The following PRKN variants were observed in gnomAD, a reference collection of about 807,000 sequenced individuals.
PRKN encodes E3 ubiquitin-protein ligase parkin.
In PRKN, 56 loss-of-function variants were observed where a neutral mutation model predicts 59.5. The ratio of observed to expected loss-of-function variants is 0.94; its 90% CI spans 0.76 to 1.18. The LOEUF (loss-of-function observed/expected upper bound fraction) is 1.18. Ranked by LOEUF, PRKN falls within the 50% of genes most tolerant of loss-of-function variation. The probability of loss-of-function intolerance (pLI) is 0.00; values close to 1 mark genes in which losing one functional copy is unlikely to be tolerated. For missense variants in PRKN, 657 were observed against 596.4 expected, an observed-to-expected ratio of 1.10 and a Z score of -1.06; for synonymous variants, 250 against 222.1, an observed-to-expected ratio of 1.13 and a Z score of -1.12.
intron 1 of PRKN, among the ~76,000 whole-genome samples, chr6:162,721,308 C>G (rs1778934490): frequency 6.6e-6 from 1 of 152,238 alleles, no homozygotes; most frequent in Non-Finnish European, 1.5e-5. Context: ...TCTGGACTTG[C>G]TGGCACTAGT....
rs1051353252 is a variant in PRKN at position 161,554,349 on chromosome 6, G to A, written c.934-5346C>T. 1.3e-5 allele frequency among the ~76,000 whole-genome samples: 2 copies of A among 151,036 alleles called. No homozygotes were observed. The highest frequency in any genetic ancestry group is 1.5e-5 in the Non-Finnish European group (1 of 67,862). On this transcript the variant is annotated intron_variant, in intron 8 of 11. Transcript: ENST00000366898. This position sits in a 1 kb window ranked among gnomAD's most constrained non-coding sequence, Gnocchi z 4.5. ...CTGTATCCACACTGTTAACACATGC[G>A]GCCATTTCGAACTATGCTGTCTTTC...
intron 7 of PRKN, among the ~76,000 whole-genome samples, chr6:161,751,797 G>C (rs1433082250): frequency 6.6e-6 from 1 of 152,226 alleles, no homozygotes; most frequent in African/African-American, 2.4e-5. Context: ...CAAAGAGGAA[G>C]CTGTGACCAG....
At chr6:162,083,208 T>C (rs550185837) in intron 4 of PRKN, among the ~76,000 whole-genome samples, 1 of 152,088 alleles carries the variant, frequency 6.6e-6, no homozygotes, top group South Asian at 2.1e-4. Context: ...ACCCGCCATA[T>C]ACTTTTGAAA....
chr6:161,642,532 T>C (rs1028993172), intron 7 of PRKN, among the ~76,000 whole-genome samples: 1 of 152,046 alleles, frequency 6.6e-6, no homozygotes, highest in Non-Finnish European at 1.5e-5. Context: ...AAAAGGAAGA[T>C]CAAAGGAGTC....
chr6:162,716,732 A>G, intron 1 of PRKN, among the ~76,000 whole-genome samples: 1 of 141,380 alleles, frequency 7.1e-6, no homozygotes, highest in East Asian at 2.2e-4. Flanking sequence ...TAGCTTCATC[A>G]ACTAGTCCAT....
chr6:161,696,419 G>A (rs948671198), intron 7 of PRKN, among the ~76,000 whole-genome samples: 21 of 152,226 alleles, frequency 1.4e-4, no homozygotes, highest in African/African-American at 4.6e-4. Flanking sequence ...CCACTACAGT[G>A]TAAAAGTAGA....
intron 2 of PRKN, among the ~76,000 whole-genome samples, chr6:162,414,709 T>TGAAAAAAAAAAAA (rs373871165): frequency 0.016 from 707 of 44,438 alleles, 160 homozygotes; most frequent in African/African-American, 0.06. Context: ...AGACTCCGTC[T>TGAAAAAAAAAAAA]CAAAAAAAAA....
In PRKN at chr6:162,037,613, C is replaced by A. The variant is rs559748835; in HGVS notation, c.618+16478G>T. ...CCAGGCTGGAGTGCAGTGGCGTGAT[C>A]TCGGCTCACTGCAACCCCTGCCTCC... On this transcript the variant is annotated intron_variant, in intron 5 of 11. Transcript: ENST00000366898. Among the ~76,000 whole-genome samples, 676 of 150,224 alleles carry A rather than the reference C, an allele frequency of 4.5e-3. 4 individuals are homozygous for A. Among genetic ancestry groups the A allele is most frequent in the Non-Finnish European group, 7.9e-3 (536 of 67,838 alleles).
intron 1 of PRKN, among the ~76,000 whole-genome samples, chr6:162,673,842 G>T (rs953600567): frequency 4.6e-5 from 7 of 152,216 alleles, no homozygotes; most frequent in Non-Finnish European, 1.0e-4. Flanking sequence ...CAGCAGGACT[G>T]CAAGTGTGGC....
intron 7 of PRKN, among the ~76,000 whole-genome samples, chr6:161,691,938 G>T (rs1202615664): frequency 4.6e-5 from 7 of 151,486 alleles, no homozygotes; most frequent in Non-Finnish European, 8.9e-5. Context: ...CAGAAACTGT[G>T]ATGACACTGT....
intron 2 of PRKN, among the ~76,000 whole-genome samples, chr6:162,367,788 A>G (rs1785532022): frequency 6.6e-6 from 1 of 152,186 alleles, no homozygotes; most frequent in Admixed American, 6.5e-5. Context: ...GAAAGAAAAA[A>G]GGGATAGAAT....
chr6:161,882,278 G>GA (rs2128229844), intron 6 of PRKN, among the ~76,000 whole-genome samples: 1 of 152,242 alleles, frequency 6.6e-6, no homozygotes, highest in Admixed American at 6.5e-5. Context: ...TCCCACAGGT[G>GA]AAAGGGCATC....
chr6:162,147,926 C>T (rs1035463475), intron 4 of PRKN, among the ~76,000 whole-genome samples: 1 of 152,036 alleles, frequency 6.6e-6, no homozygotes. Context: ...CAGTCATGAA[C>T]AGCATAAAAG....
intron 5 of PRKN, among the ~76,000 whole-genome samples, chr6:162,020,097 G>A (rs2128274824): frequency 6.6e-6 from 1 of 152,092 alleles, no homozygotes; most frequent in South Asian, 2.1e-4. Context: ...AAGTGCATGT[G>A]CATTTGTAAC....
chr6:161,744,821 A>C (rs1159336815), intron 7 of PRKN, among the ~76,000 whole-genome samples: 1 of 152,244 alleles, frequency 6.6e-6, no homozygotes, highest in East Asian at 1.9e-4. Context: ...CAAAAGCCAC[A>C]TCAACGGCAT....
At chr6:162,685,712 T>C (rs1335297607) in intron 1 of PRKN, among the ~76,000 whole-genome samples, 1 of 152,196 alleles carries the variant, frequency 6.6e-6, no homozygotes, top group Non-Finnish European at 1.5e-5. Flanking sequence ...AAAATCTATA[T>C]TTCTAGCTAT....
intron 7 of PRKN, among the ~76,000 whole-genome samples, chr6:161,743,212 C>T (rs1253547276): frequency 3.8e-5 from 4 of 105,390 alleles, no homozygotes; most frequent in Non-Finnish European, 6.2e-5. Flanking sequence ...CTGGTTTCTA[C>T]CTTTTTTTTT....
At chr6:162,378,478 T>C (rs1039480189) in intron 2 of PRKN, among the ~76,000 whole-genome samples, 2 of 152,246 alleles carry the variant, frequency 1.3e-5, no homozygotes, top group African/African-American at 2.4e-5. Context: ...GATGTTTCTA[T>C]GTAAGAAGAG....
intron 7 of PRKN, among the ~76,000 whole-genome samples, chr6:161,671,672 G>A (rs916066617): frequency 6.6e-6 from 1 of 152,068 alleles, no homozygotes; most frequent in African/African-American, 2.4e-5. Flanking sequence ...AAGCAAGCAT[G>A]GTCCTTCAGA....
Sources: gnomAD v4.1 joint callset for allele counts (sites outside exome capture counted in the v4.1 genomes callset) on GRCh38, gnomAD v4.1.1 for gene constraint, Gnocchi (gnomAD v3.1) non-coding constraint, MANE v1.5 for transcripts, NCBI Gene and HGNC (gene_info 2026-07-23, HGNC 2026-07-21) for gene names.